Variants in NUP160 observed in about 807,000 individuals in gnomAD.
The protein encoded by NUP160 is nuclear pore complex protein Nup160.
In NUP160, 94 loss-of-function variants were observed where a neutral mutation model predicts 196.9. The observed-to-expected ratio is 0.48, with a 90% confidence interval of 0.40 to 0.57. The LOEUF (loss-of-function observed/expected upper bound fraction) is 0.57, where lower values mean the gene tolerates loss of function less well. Ranked by LOEUF, NUP160 falls within the 20% of genes least tolerant of loss-of-function variation. The probability of loss-of-function intolerance (pLI) is 0.00; values close to 1 mark genes in which losing one functional copy is unlikely to be tolerated. For missense variants in NUP160, 1,638 were observed against 1,748.3 expected (o/e 0.94, Z 1.13); for synonymous variants, 605 against 619.7 (o/e 0.98, Z 0.35).
intron 31 of NUP160, among the ~76,000 whole-genome samples, chr11:47,786,802 T>C (rs2097664788): frequency 6.6e-6 from 1 of 152,196 alleles, no homozygotes; most frequent in Non-Finnish European, 1.5e-5. Context: ...CTTTTCTTTT[T>C]TTTTGAGATG....
chr11:47,826,170 A>AC (rs1851963451), intron 7 of NUP160, among the ~76,000 whole-genome samples: 1 of 152,006 alleles, frequency 6.6e-6, no homozygotes, highest in African/African-American at 2.4e-5. Context: ...AAACAAACAA[A>AC]AACCCAACAG....
chr11:47,782,208 C>A (rs867962498), intron 34 of NUP160, among the ~76,000 whole-genome samples: 1 of 149,408 alleles, frequency 6.7e-6, no homozygotes, highest in Non-Finnish European at 1.5e-5. Context: ...CACTTGAACC[C>A]GGGAGGCGGA....
At position 47,836,871 on chromosome 11, in the gene NUP160, T is replaced by C. The variant is rs763952150; in HGVS notation, c.942+16A>G. On this transcript the variant is annotated intron_variant, in intron 6 of 35. Transcript: ENST00000378460. The stretch of plus-strand genomic sequence containing the variant: ...ATCCTGTTTTAACTTACAGCAACTA[T>C]AAATGTAGCACTTACCTTGTAAGAC... The C allele has an allele frequency of 1.3e-5, 19 of 1,421,876 alleles. No homozygotes were observed. Among genetic ancestry groups the C allele is most frequent in the Non-Finnish European group, 1.7e-5 (17 of 1,008,734 alleles). The allele number at this position is 1,421,876 out of a possible 1,614,324, so 88.1% of individuals were successfully genotyped here. A position where few individuals can be genotyped will look rare whatever the true frequency, so the allele number is the denominator to read the frequency against.
chr11:47,837,585 T>C lies in NUP160; in HGVS notation c.787A>G (p.Met263Val), dbSNP rs376439168. ...ATCCAGCCTGTAAGCAATCGTTGCA[T>C]TACTGAACTCTGTTTCAGTTCCACG... is the stretch of plus-strand genomic sequence containing the variant. The change falls in exon 5 of 36, where the codon ATG (methionine) becomes GTG (valine). Residue 263 changes from methionine (M) to valine (V), a missense_variant. Transcript: ENST00000378460. 3 of 1,614,066 alleles carry C rather than the reference T, an allele frequency of 1.9e-6. No individual in the cohort carries two copies. The African/African-American group carries it at 4.0e-5, about 22-fold the overall frequency.
At chr11:47,812,824 T>A in intron 15 of NUP160, 58 bp downstream of exon 15, 2 of 1,457,654 alleles carry the variant, frequency 1.4e-6, no homozygotes, top group Non-Finnish European at 1.9e-6. Context: ...ATTCCAACTT[T>A]GGCGCTAAAA....
At chr11:47,815,053 A>G (rs2097683556) in intron 13 of NUP160, 1 of 152,494 alleles carries the variant, frequency 6.6e-6, no homozygotes, top group Non-Finnish European at 1.5e-5. Flanking sequence ...CAATATGATG[A>G]AACCCCACCT....
rs772857987 is a variant in NUP160 at position 47,840,598 on chromosome 11, A to G, written c.315-10T>C. 5 of 1,562,212 alleles carry G rather than the reference A, an allele frequency of 3.2e-6. No individual in the cohort carries two copies. The South Asian group carries it at 5.9e-5, about 18-fold the overall frequency. ...ATCTCCAGAGGTCTTCCTGTTGAAA[A>G]AGAGACATTTGTTTGAAAAGTTTAT... On this transcript the variant is annotated splice_polypyrimidine_tract_variant and intron_variant, in intron 2 of 35. Transcript: ENST00000378460.
At chr11:47,847,511 A>G (rs1354509209) in intron 2 of NUP160, among the ~76,000 whole-genome samples, 1 of 151,924 alleles carries the variant, frequency 6.6e-6, no homozygotes, top group Non-Finnish European at 1.5e-5. Flanking sequence ...GCTCGAACGT[A>G]TTTGTACAAT....
chr11:47,848,286 G>T, exon 1 of NUP160: 1 of 1,614,142 alleles, frequency 6.2e-7, no homozygotes, highest in South Asian at 1.1e-5. Flanking sequence ...TTAGCTCCAC[G>T]AAGCTCCGTT....
intron 33 of NUP160, among the ~76,000 whole-genome samples, chr11:47,784,033 A>AAAAAC (rs745778729): frequency 7.7e-4 from 117 of 152,080 alleles, no homozygotes; most frequent in African/African-American, 2.7e-3. Context: ...CAAAAACAAA[A>AAAAAC]AAAACAAAAC....
intron 13 of NUP160, 96 bp from the exon 14 acceptor site, chr11:47,813,511 T>C (rs1373829657): frequency 5.4e-6 from 4 of 734,260 alleles, no homozygotes; most frequent in African/African-American, 1.7e-5. Flanking sequence ...CAAACCCAAG[T>C]TGCAATACAC....
intron 27 of NUP160, among the ~76,000 whole-genome samples, chr11:47,797,320 C>T (rs1463171293): frequency 2.0e-5 from 3 of 152,026 alleles, no homozygotes; most frequent in African/African-American, 7.2e-5. Flanking sequence ...AACCTCCGCC[C>T]CCCGCCCCAC....
intron 17 of NUP160, among the ~76,000 whole-genome samples, chr11:47,811,834 C>T (rs894843141): frequency 6.6e-5 from 10 of 152,116 alleles, no homozygotes; most frequent in Non-Finnish European, 1.3e-4. Context: ...CCCTCCCCAC[C>T]GTCCCCTCCA....
At chr11:47,846,444 C>T (rs769817476) in intron 2 of NUP160, among the ~76,000 whole-genome samples, 1 of 152,180 alleles carries the variant, frequency 6.6e-6, no homozygotes, top group African/African-American at 2.4e-5. Context: ...AATCCATCTT[C>T]CGGGTATCTC....
At chr11:47,806,607 C>G (rs879472958) in intron 19 of NUP160, 1 of 288,780 alleles carries the variant, frequency 3.5e-6, no homozygotes, top group Non-Finnish European at 6.4e-6. Flanking sequence ...TACAATTAGC[C>G]CCAGGATTTC....
intron 7 of NUP160, among the ~76,000 whole-genome samples, chr11:47,829,411 T>C (rs1441371215): frequency 6.6e-6 from 1 of 152,162 alleles, no homozygotes; most frequent in Non-Finnish European, 1.5e-5. Context: ...TTTCAAGCAA[T>C]TCTCGTGCCT....
chr11:47,807,181 A>T (rs1299480617), intron 18 of NUP160, 41 bp from the exon 19 acceptor site: 6 of 1,211,736 alleles, frequency 5.0e-6, no homozygotes, highest in Non-Finnish European at 6.1e-6. Flanking sequence ...AAATTCTCCT[A>T]TGCTAAACAT....
chr11:47,813,118 A>G (rs934144412), intron 14 of NUP160, 71 bp from the exon 15 acceptor site: 33 of 1,152,354 alleles, frequency 2.9e-5, no homozygotes, highest in Non-Finnish European at 4.0e-5. Context: ...TTACATTAAA[A>G]TGTTAATAAT....
At chr11:47,816,518 T>C (rs1202734203) in intron 11 of NUP160, among the ~76,000 whole-genome samples, 2 of 152,238 alleles carry the variant, frequency 1.3e-5, no homozygotes, top group African/African-American at 2.4e-5. Context: ...CTCATGCCTA[T>C]AATCCCAGCA....
Sources: gnomAD v4.1 joint callset for allele counts (sites outside exome capture counted in the v4.1 genomes callset) on GRCh38, gnomAD v4.1.1 for gene constraint, MANE v1.5 for transcripts, NCBI Gene and HGNC (gene_info 2026-07-23, HGNC 2026-07-21) for gene names.